Variants in PTPRT observed in about 807,000 individuals in gnomAD.
PTPRT encodes protein tyrosine phosphatase receptor type T, also known as receptor-type tyrosine-protein phosphatase T.
Under a neutral mutation model 176.8 loss-of-function variants are expected in PTPRT, and 56 were observed. The ratio of observed to expected loss-of-function variants is 0.32; its 90% confidence interval spans 0.26 to 0.40. The LOEUF is 0.40. Among genes scored for constraint, PTPRT ranks in the 10% least tolerant of loss-of-function variants. PTPRT has a pLI of 1.00. For synonymous variants in PTPRT, 783 were observed against 739.0 expected (o/e 1.06, Z -0.96); for missense variants, 1,540 against 1,908.2 (o/e 0.81, Z 3.60).
chr20:42,941,694 C>G (rs1204664625), intron 1 of PTPRT, among the ~76,000 whole-genome samples: 2 of 151,952 alleles, frequency 1.3e-5, no homozygotes, highest in African/African-American at 4.8e-5. Flanking sequence ...ACTAGTGAGA[C>G]AGCAGAAAGA....
intron 13 of PTPRT, among the ~76,000 whole-genome samples, chr20:42,260,540 A>G (rs922499755): frequency 1.3e-5 from 2 of 152,222 alleles, no homozygotes; most frequent in Admixed American, 6.5e-5. Flanking sequence ...GGCAGCCAGT[A>G]TGAGAGAGCT....
At chr20:42,122,283 A>C (rs994100873) in intron 19 of PTPRT, among the ~76,000 whole-genome samples, 3 of 152,206 alleles carry the variant, frequency 2.0e-5, no homozygotes, top group African/African-American at 7.2e-5. Flanking sequence ...GATTTAACAT[A>C]TATGTCTTTG....
intron 9 of PTPRT, among the ~76,000 whole-genome samples, chr20:42,376,584 C>T (rs2058650631): frequency 6.6e-6 from 1 of 152,196 alleles, no homozygotes; most frequent in Non-Finnish European, 1.5e-5. Context: ...AGAACCTCAC[C>T]CTTTCCATGG....
chr20:42,940,569 G>A (rs757746642), intron 1 of PTPRT, among the ~76,000 whole-genome samples: 2 of 152,220 alleles, frequency 1.3e-5, no homozygotes, highest in South Asian at 4.2e-4. Flanking sequence ...TTGACAGTGT[G>A]TTAGGCACGT....
At chr20:42,339,302 T>C (rs1324372091) in intron 11 of PTPRT, among the ~76,000 whole-genome samples, 1 of 152,218 alleles carries the variant, frequency 6.6e-6, no homozygotes, top group Non-Finnish European at 1.5e-5. Context: ...GTTATTGTCA[T>C]CATCATAGGA....
intron 6 of PTPRT, among the ~76,000 whole-genome samples, chr20:42,682,500 C>T (rs2075620246): frequency 6.6e-6 from 1 of 152,216 alleles, no homozygotes; most frequent in Non-Finnish European, 1.5e-5. Context: ...TCACTTCTAA[C>T]ACAACCAATG....
At position 42,890,913 on chromosome 20, in the gene PTPRT, T is replaced by C. The variant is rs116704327; in HGVS notation, c.89-4981A>G. ...GGTTTCCCCCATACTGTTCTCCTGG[T>C]AGTAAGTCTCGCAAGATCTGATGAT... On this transcript the variant is annotated intron_variant, in intron 1 of 30. Transcript: ENST00000373187. 1.6e-3 allele frequency among the ~76,000 whole-genome samples: 237 copies of C among 152,294 alleles called. 2 individuals carry two copies. The highest frequency in any genetic ancestry group is 5.6e-3 in the African/African-American group (232 of 41,560).
chr20:42,521,616 T>C (rs6072768), intron 7 of PTPRT, among the ~76,000 whole-genome samples: 14,628 of 152,212 alleles, frequency 0.096, 922 homozygotes, highest in East Asian at 0.16. Context: ...ATCTCTCTAA[T>C]CATGTTGGTT....
rs569770336 is a variant in PTPRT, at chr20:42,306,653, T to C, written c.2139+9070A>G. Among the ~76,000 whole-genome samples, 10 of 152,294 alleles carry C rather than the reference T, an allele frequency of 6.6e-5. No homozygotes were observed. The East Asian group carries it at 7.7e-4, about 12-fold the overall frequency. On this transcript the variant is annotated intron_variant, in intron 12 of 30. Transcript: ENST00000373187. ...AAACGGTTACGTGGGGGCCTCTGGG[T>C]CACAGCTCTCTGTTGCCTTGGCTCA...
chr20:42,638,325 G>A (rs1481962717), intron 7 of PTPRT, among the ~76,000 whole-genome samples: 2 of 152,064 alleles, frequency 1.3e-5, no homozygotes, highest in African/African-American at 4.8e-5. Context: ...ATTTAGCGGG[G>A]CTGAACATCT....
intron 1 of PTPRT, among the ~76,000 whole-genome samples, chr20:43,062,533 G>C (rs1377012627): frequency 1.3e-5 from 2 of 152,226 alleles, no homozygotes; most frequent in African/African-American, 4.8e-5. Flanking sequence ...GGGAGATCTT[G>C]AACTGCTAAA....
intron 15 of PTPRT, among the ~76,000 whole-genome samples, chr20:42,209,183 A>G (rs969346208): frequency 6.6e-5 from 10 of 152,232 alleles, no homozygotes; most frequent in Non-Finnish European, 1.3e-4. Context: ...TAATGCCCAC[A>G]AGAGAAAGCA....
chr20:42,973,457 T>TTG (rs58775017), intron 1 of PTPRT, among the ~76,000 whole-genome samples: 5,389 of 151,318 alleles, frequency 0.036, 325 homozygotes, highest in African/African-American at 0.12. Context: ...CTGTGTGTGT[T>TTG]TGTGTGTGTG....
intron 1 of PTPRT, among the ~76,000 whole-genome samples, chr20:42,952,632 G>A (rs1193578391): frequency 1.3e-5 from 2 of 152,160 alleles, no homozygotes; most frequent in Non-Finnish European, 2.9e-5. Flanking sequence ...AACACCACCT[G>A]GAATACAGTA....
intron 1 of PTPRT, among the ~76,000 whole-genome samples, chr20:42,894,878 T>C (rs1229017811): frequency 6.6e-6 from 1 of 151,486 alleles, no homozygotes; most frequent in Non-Finnish European, 1.5e-5. Context: ...AGAAATGGAG[T>C]AGGGGGCTTA....
At chr20:42,167,314 C>T (rs1427897331) in intron 16 of PTPRT, among the ~76,000 whole-genome samples, 1 of 152,164 alleles carries the variant, frequency 6.6e-6, no homozygotes, top group African/African-American at 2.4e-5. Context: ...TGACACACCC[C>T]AAAGCCATCT....
At chr20:42,792,501 CAG>C (rs2077391629) in intron 2 of PTPRT, among the ~76,000 whole-genome samples, 1 of 152,084 alleles carries the variant, frequency 6.6e-6, no homozygotes, top group Non-Finnish European at 1.5e-5. Flanking sequence ...GGTGGCAAAA[CAG>C]AGCCTAGACA....
intron 2 of PTPRT, among the ~76,000 whole-genome samples, chr20:42,856,698 A>C (rs2078569334): frequency 6.6e-6 from 1 of 151,948 alleles, no homozygotes; most frequent in Non-Finnish European, 1.5e-5. Context: ...ACAGTATGTA[A>C]AAATGCATAT....
chr20:42,476,667 A>G (rs1464163582), intron 7 of PTPRT, among the ~76,000 whole-genome samples: 1 of 152,208 alleles, frequency 6.6e-6, no homozygotes, highest in Non-Finnish European at 1.5e-5. Context: ...TGGTGAACCT[A>G]GAGATTCGGT....
Sources: gnomAD v4.1 joint callset for allele counts (sites outside exome capture counted in the v4.1 genomes callset) on GRCh38, gnomAD v4.1.1 for gene constraint, MANE v1.5 for transcripts, NCBI Gene and HGNC (gene_info 2026-07-23, HGNC 2026-07-21) for gene names.